CD82: variants seen among roughly 807,000 people sequenced by gnomAD.
CD82 encodes CD82 molecule.
A neutral mutation model predicts 37.4 loss-of-function variants in CD82; 36 were observed. That is an observed-to-expected ratio of 0.96 (90% confidence interval 0.74 to 1.27). The LOEUF is 1.27. CD82 is among the 50% of genes most tolerant of loss of function. The pLI, the probability that CD82 is intolerant of heterozygous loss-of-function variation, is 0.00. For missense variants in CD82, 340 were observed against 347.0 expected (o/e 0.98, Z 0.16); for synonymous variants, 158 against 137.4 (o/e 1.15, Z -1.05).
intron 1 of CD82, among the ~76,000 whole-genome samples, chr11:44,585,921 G>A (rs1981993): frequency 0.98 from 149,592 of 152,310 alleles, 73,477 homozygotes; most frequent in Non-Finnish European, 0.99. Flanking sequence ...CTGGAGTAGA[G>A]GGAGCCTTGA....
chr11:44,570,707 C>T lies in CD82; in HGVS notation c.-103+4971C>T, dbSNP rs78377164. Reference sequence around the variant, plus strand: ...TTCAGCAGAGCTTCTGCTTCTCTTCCGATGCCTGGCCTTTATTACCCTCCT... The same window carrying T: ...TTCAGCAGAGCTTCTGCTTCTCTTCTGATGCCTGGCCTTTATTACCCTCCT... On this transcript the variant is annotated intron_variant, in intron 1 of 9. Coordinates refer to ENST00000227155, the MANE Select transcript of CD82 (RefSeq NM_002231.4). Among the ~76,000 whole-genome samples the T allele has an allele frequency of 4.6e-3, 435 of 94,222 alleles. 3 individuals are homozygous for T. Among genetic ancestry groups the T allele is most frequent in the African/African-American group, 0.018 (416 of 22,944 alleles). The allele number at this position is 94,222 out of a possible 152,430, so 61.8% of individuals were successfully genotyped here. A position where few individuals can be genotyped will look rare whatever the true frequency, so the allele number is the denominator to read the frequency against.
chr11:44,598,913 T>A (rs1158692594), intron 3 of CD82, among the ~76,000 whole-genome samples: 1 of 152,176 alleles, frequency 6.6e-6, no homozygotes, highest in African/African-American at 2.4e-5. Context: ...GTGGGCCCAG[T>A]CCAGGCCCCC....
intron 1 of CD82, among the ~76,000 whole-genome samples, chr11:44,584,607 G>A (rs1208912254): frequency 6.6e-6 from 1 of 152,132 alleles, no homozygotes; most frequent in Non-Finnish European, 1.5e-5. Flanking sequence ...GGTCTTAAAG[G>A]AAACCTGAGG....
chr11:44,610,163 C>T (rs1853459810), intron 6 of CD82, among the ~76,000 whole-genome samples: 1 of 152,162 alleles, frequency 6.6e-6, no homozygotes, highest in South Asian at 2.1e-4. Context: ...CACAGCACCC[C>T]AAGGGGCGGG....
intron 1 of CD82, among the ~76,000 whole-genome samples, chr11:44,580,337 G>A (rs999794168): frequency 4.6e-5 from 7 of 152,342 alleles, no homozygotes. Flanking sequence ...CTAAAGGCCT[G>A]CAGAGTACTG....
chr11:44,577,901 C>T (rs1025637263), intron 1 of CD82, among the ~76,000 whole-genome samples: 3 of 152,118 alleles, frequency 2.0e-5, no homozygotes, highest in Admixed American at 6.5e-5. Flanking sequence ...GGGGTGTCCT[C>T]GGCGGATAAT....
chr11:44,571,799 T>A (rs1361132532), intron 1 of CD82, among the ~76,000 whole-genome samples: 1 of 152,172 alleles, frequency 6.6e-6, no homozygotes, highest in Non-Finnish European at 1.5e-5. Context: ...GCTCTCAAAC[T>A]CCTGGCCTCA....
chr11:44,583,570 A>T (rs1386080284), intron 1 of CD82, among the ~76,000 whole-genome samples: 1 of 152,150 alleles, frequency 6.6e-6, no homozygotes, highest in Non-Finnish European at 1.5e-5. Flanking sequence ...GAAGGGTGGG[A>T]CGGTGGGCTG....
At chr11:44,605,255 T>G in intron 5 of CD82, 73 bp downstream of exon 5, 1 of 1,607,794 alleles carries the variant, frequency 6.2e-7, no homozygotes, top group Non-Finnish European at 8.5e-7. Flanking sequence ...ACCGCGGCGC[T>G]GGCCGTAACA....
chr11:44,591,245 A>C (rs1853141137), intron 2 of CD82, among the ~76,000 whole-genome samples: 2 of 152,296 alleles, frequency 1.3e-5, no homozygotes, highest in East Asian at 3.9e-4. Context: ...GGGGCCAGGC[A>C]GCCTGGGCCC....
intron 6 of CD82, among the ~76,000 whole-genome samples, chr11:44,612,623 ATTTTTTT>A (rs34301171): frequency 4.8e-5 from 3 of 63,076 alleles, no homozygotes; most frequent in African/African-American, 2.1e-4. Flanking sequence ...CCCAGCATTA[ATTTTTTT>A]TTTTTTTTTT....
chr11:44,615,509 A>G (rs1044600565), intron 7 of CD82, 136 bp downstream of exon 7: 5 of 647,566 alleles, frequency 7.7e-6, no homozygotes, highest in African/African-American at 3.6e-5. Flanking sequence ...GTGTGCTTCT[A>G]TGGGGGCAGG....
chr11:44,574,474 C>T (rs1686885736), intron 1 of CD82, among the ~76,000 whole-genome samples: 1 of 152,142 alleles, frequency 6.6e-6, no homozygotes, highest in Admixed American at 6.5e-5. Flanking sequence ...CTGGTGGGAC[C>T]AAATCTTGTA....
chr11:44,568,158 G>C (rs1852763281), intron 1 of CD82, among the ~76,000 whole-genome samples: 1 of 152,224 alleles, frequency 6.6e-6, no homozygotes, highest in African/African-American at 2.4e-5. Context: ...GTCTGTACCA[G>C]ATGTGCTGGG....
chr11:44,598,711 C>T (rs1465380182), intron 3 of CD82, among the ~76,000 whole-genome samples: 1 of 152,158 alleles, frequency 6.6e-6, no homozygotes, highest in Non-Finnish European at 1.5e-5. Flanking sequence ...TGCCTCGTGC[C>T]TTGGGCCGGT....
chr11:44,619,187 C>G lies in CD82; in HGVS notation c.*61C>G. The G allele has an allele frequency of 7.4e-7, 1 of 1,349,056 alleles. No homozygotes were observed. The highest frequency in any genetic ancestry group is 1.1e-6 in the Non-Finnish European group (1 of 938,432). 83.6% of individuals were successfully genotyped at this position (1,349,056 alleles called of 1,614,324 possible). Reference sequence around the variant, plus strand: ...AACCTCAGGGCTCCCAGGGGTCTCCCTGGCTCCCTCCTCCAGGCCTGCCTC... The same window carrying G: ...AACCTCAGGGCTCCCAGGGGTCTCCGTGGCTCCCTCCTCCAGGCCTGCCTC... On this transcript the variant is annotated 3_prime_UTR_variant, in exon 10 of 10. Coordinates refer to ENST00000227155, the MANE Select transcript of CD82 (RefSeq NM_002231.4).
At chr11:44,593,958 C>G (rs1853182429) in intron 2 of CD82, among the ~76,000 whole-genome samples, 1 of 150,848 alleles carries the variant, frequency 6.6e-6, no homozygotes, top group South Asian at 2.1e-4. Context: ...AAACACTATA[C>G]AGAATGAGCC....
intron 1 of CD82, among the ~76,000 whole-genome samples, chr11:44,574,466 G>A (rs1310098603): frequency 6.6e-6 from 1 of 152,132 alleles, no homozygotes; most frequent in Non-Finnish European, 1.5e-5. Context: ...GAAACACCCT[G>A]GTGGGACCAA....
At chr11:44,599,060 TG>T (rs1211010509) in intron 3 of CD82, among the ~76,000 whole-genome samples, 1 of 152,212 alleles carries the variant, frequency 6.6e-6, no homozygotes, top group African/African-American at 2.4e-5. Context: ...GGACTCCACC[TG>T]GGGAGATGAG....
Sources: gnomAD v4.1 joint callset for allele counts (sites outside exome capture counted in the v4.1 genomes callset) on GRCh38, gnomAD v4.1.1 for gene constraint, MANE v1.5 for transcripts, NCBI Gene and HGNC (gene_info 2026-07-23, HGNC 2026-07-21) for gene names.